Variants in MRAP2 observed in about 807,000 individuals in gnomAD.
The protein encoded by MRAP2 is melanocortin 2 receptor accessory protein 2.
In MRAP2, 20 loss-of-function variants were observed where a neutral mutation model predicts 17.4. The ratio of observed to expected loss-of-function variants is 1.15; its 90% CI spans 0.81 to 1.67. MRAP2 has a LOEUF of 1.67. MRAP2 is among the 40% of genes most tolerant of loss of function. The pLI, the probability that MRAP2 is intolerant of heterozygous loss-of-function variation, is 0.00. For synonymous variants in MRAP2, 96 were observed against 88.4 expected, an observed-to-expected ratio of 1.09 and a Z score of -0.48; for missense variants, 238 against 240.0, an observed-to-expected ratio of 0.99 and a Z score of 0.05.
intron 1 of MRAP2, chr6:84,045,109 C>T: frequency 2.1e-6 from 1 of 483,434 alleles, no homozygotes; most frequent in Non-Finnish European, 2.7e-6. Flanking sequence ...GCAAATACTA[C>T]ACCATTTTAT....
chr6:84,064,675 G>A (rs1240667557), intron 3 of MRAP2, among the ~76,000 whole-genome samples: 7 of 152,122 alleles, frequency 4.6e-5, no homozygotes, highest in Non-Finnish European at 1.0e-4. Context: ...TTTTAGTAGA[G>A]ACAGGGTTTC....
chr6:84,036,797 C>T (rs2099486141), intron 1 of MRAP2, among the ~76,000 whole-genome samples: 1 of 152,106 alleles, frequency 6.6e-6, no homozygotes, highest in African/African-American at 2.4e-5. Context: ...CTGATTGGTC[C>T]GTTTTGACAG....
At chr6:84,054,084 G>C (rs1468485694) in intron 1 of MRAP2, among the ~76,000 whole-genome samples, 2 of 152,136 alleles carry the variant, frequency 1.3e-5, no homozygotes, top group Non-Finnish European at 2.9e-5. Context: ...AAGTGGGGCT[G>C]CTTCAAGAAT....
chr6:84,091,024 T>C (rs1449598193), downstream of MRAP2: 2 of 152,214 alleles, frequency 1.3e-5, no homozygotes, highest in Non-Finnish European at 2.9e-5. Flanking sequence ...ATCTGAGCCA[T>C]GCATGAGATT....
chr6:84,115,541 C>T, the MRAP2 span, among the ~76,000 whole-genome samples: 1 of 152,096 alleles, frequency 6.6e-6, no homozygotes, highest in African/African-American at 2.4e-5. Context: ...CAAGCCAGAC[C>T]ACTTGGCTCT....
Position 84,050,410 on chromosome 6 carries a change from C to T in MRAP2, c.-7-4902C>T, listed in dbSNP as rs147127188. Among the ~76,000 whole-genome samples, 498 of 152,274 alleles carry T rather than the reference C, an allele frequency of 3.3e-3. 1 individual carries two copies. The highest frequency in any genetic ancestry group is 6.1e-3 in the Non-Finnish European group (416 of 68,024). On this transcript the variant is annotated intron_variant, in intron 1 of 3. Coordinates refer to ENST00000257776, the MANE Select transcript of MRAP2 (RefSeq NM_138409.4). ...CCTTATAGAGATGCTTTAAGAAGAT[C>T]CAGCTGGCTCAGAGTGTGATTCATA... is the stretch of plus-strand genomic sequence containing the variant.
the MRAP2 span, among the ~76,000 whole-genome samples, chr6:84,102,241 C>T: frequency 6.6e-6 from 1 of 152,166 alleles, no homozygotes; most frequent in Non-Finnish European, 1.5e-5. Flanking sequence ...CCACCTATGT[C>T]CGCCTGTGAA....
chr6:84,043,863 A>C (rs1369024102), intron 1 of MRAP2, among the ~76,000 whole-genome samples: 1 of 152,176 alleles, frequency 6.6e-6, no homozygotes, highest in Non-Finnish European at 1.5e-5. Flanking sequence ...TAATAATTTT[A>C]CTGTGTTCAA....
chr6:84,076,313 A>T (rs1358188455), intron 3 of MRAP2, among the ~76,000 whole-genome samples: 1 of 150,320 alleles, frequency 6.7e-6, no homozygotes, highest in Non-Finnish European at 1.5e-5. Context: ...AACCTCCACC[A>T]CCTGGGTTCA....
chr6:84,059,608 T>C (rs890428405), intron 2 of MRAP2, among the ~76,000 whole-genome samples: 1 of 152,178 alleles, frequency 6.6e-6, no homozygotes, highest in African/African-American at 2.4e-5. Context: ...GCTCTCTTGT[T>C]CCATTCCATT....
At chr6:84,082,384 T>C (rs2099499222) in intron 3 of MRAP2, among the ~76,000 whole-genome samples, 1 of 152,210 alleles carries the variant, frequency 6.6e-6, no homozygotes, top group South Asian at 2.1e-4. Context: ...ATAATTCCCA[T>C]CTAATTATAG....
intron 2 of MRAP2, among the ~76,000 whole-genome samples, chr6:84,057,791 T>TA (rs1267628942): frequency 1.3e-5 from 2 of 152,076 alleles, no homozygotes; most frequent in African/African-American, 2.4e-5. Flanking sequence ...GATGGCAATA[T>TA]AAAAGGATAA....
At chr6:84,099,181 C>CTTTTT in the MRAP2 span, among the ~76,000 whole-genome samples, 7 of 117,404 alleles carry the variant, frequency 6.0e-5, no homozygotes, top group East Asian at 2.3e-4. Flanking sequence ...AGATCCTTTT[C>CTTTTT]TTTTTTTTTT....
chr6:84,109,759 A>AC, the MRAP2 span, among the ~76,000 whole-genome samples: 8 of 80,332 alleles, frequency 1.0e-4, no homozygotes, highest in South Asian at 4.4e-4. Context: ...CTAGCCCCCC[A>AC]CCCCCCGACA....
chr6:84,035,467 T>C (rs1030826926), intron 1 of MRAP2: 2 of 965,580 alleles, frequency 2.1e-6, no homozygotes, highest in Non-Finnish European at 2.5e-6. Context: ...TCTTCAAATG[T>C]GGGCTGTGAC....
chr6:84,088,947 G>A (rs1198096139), intron 3 of MRAP2, 144 bp from the exon 4 acceptor site: 3 of 853,962 alleles, frequency 3.5e-6, no homozygotes, highest in Middle Eastern at 3.7e-4. Context: ...TATTTCTCAT[G>A]TTTGTCTGCA....
In MRAP2 at chr6:84,042,186, G is replaced by A. The variant is rs59443645; in HGVS notation, c.-8+8303G>A. ...CCTTTTGCTCACACTTCTTGCTGCCGCCATGTGAAGAAGGATGTGTTTGCT... is the reference window on the plus strand; with the variant it reads ...CCTTTTGCTCACACTTCTTGCTGCCACCATGTGAAGAAGGATGTGTTTGCT... On this transcript the variant is annotated intron_variant, in intron 1 of 3. Transcript: ENST00000257776. Among the ~76,000 whole-genome samples, 459 of 152,244 alleles carry A rather than the reference G, an allele frequency of 3.0e-3. 1 individual carries two copies. The highest frequency in any genetic ancestry group is 0.01 in the African/African-American group (436 of 41,534).
the MRAP2 span, among the ~76,000 whole-genome samples, chr6:84,116,934 T>G: frequency 6.6e-6 from 1 of 152,180 alleles, no homozygotes; most frequent in Non-Finnish European, 1.5e-5. Flanking sequence ...TCAAGGATAC[T>G]GGCTTGCCGT....
the MRAP2 span, among the ~76,000 whole-genome samples, chr6:84,108,857 G>A: frequency 2.0e-5 from 3 of 152,158 alleles, no homozygotes; most frequent in African/African-American, 4.8e-5. Context: ...TATATATGGT[G>A]TAAGGAAGGG....
Sources: gnomAD v4.1 joint callset for allele counts (sites outside exome capture counted in the v4.1 genomes callset) on GRCh38, gnomAD v4.1.1 for gene constraint, MANE v1.5 for transcripts, NCBI Gene and HGNC (gene_info 2026-07-23, HGNC 2026-07-21) for gene names.